Variants in PLEKHG1 observed in about 807,000 individuals in gnomAD.
The protein encoded by PLEKHG1 is pleckstrin homology and RhoGEF domain containing G1, also known as pleckstrin homology domain-containing family G member 1.
Under a neutral mutation model 100.8 loss-of-function variants are expected in PLEKHG1, and 44 were observed. That is an observed-to-expected ratio of 0.44 (90% CI 0.34 to 0.56). PLEKHG1 has a LOEUF of 0.56. PLEKHG1 is among the 20% of genes least tolerant of loss of function. The pLI is 0.01. For synonymous variants in PLEKHG1, 640 were observed against 662.5 expected (o/e 0.97, Z 0.52); for missense variants, 1,545 against 1,720.9 (o/e 0.90, Z 1.81).
intron 3 of PLEKHG1, among the ~76,000 whole-genome samples, chr6:150,781,024 C>T (rs900246373): frequency 1.5e-4 from 23 of 151,598 alleles, no homozygotes; most frequent in Admixed American, 2.6e-4. Context: ...CAAGCATGCG[C>T]CACCACGCCC....
At chr6:150,836,541 G>T (rs1241473540) in intron 15 of PLEKHG1, among the ~76,000 whole-genome samples, 1 of 152,122 alleles carries the variant, frequency 6.6e-6, no homozygotes, top group East Asian at 1.9e-4. Flanking sequence ...CAGAGGCCAG[G>T]CGAGGTGGCT....
chr6:150,817,993 G>A (rs1776079155), intron 10 of PLEKHG1, among the ~76,000 whole-genome samples, 190 bp from the exon 12 acceptor site: 1 of 152,166 alleles, frequency 6.6e-6, no homozygotes, highest in African/African-American at 2.4e-5. Flanking sequence ...TGGTGTAGCA[G>A]CTATTACCCA....
At chr6:150,796,698 C>G (rs1418312728) in intron 5 of PLEKHG1, among the ~76,000 whole-genome samples, 2 of 152,116 alleles carry the variant, frequency 1.3e-5, no homozygotes, top group South Asian at 4.1e-4. Flanking sequence ...GTGCCTGGCC[C>G]CTCCTAAGTT....
chr6:150,831,437 G>C lies in PLEKHG1; in HGVS notation c.2326G>C (p.Val776Leu), dbSNP rs202245274. ...CTTTTTGGGTCTGGAGGCCGACTTC[G>C]TGTGCTGTGACAGCCTGAGGCCATT... The change falls in exon 15 of 16, where the codon GTG (valine) becomes CTG (leucine). Residue 776 changes from valine to leucine, a missense_variant. Val to Leu is a conservative substitution (Grantham distance 32, BLOSUM62 1). Coordinates refer to ENST00000358517, the Ensembl canonical transcript of PLEKHG1. The surrounding 1 kb of genome is among the most constrained non-coding windows in gnomAD (Gnocchi z 4.1). 6.2e-7 allele frequency: 1 copy of C among 1,614,132 alleles called. No homozygotes were observed. Among genetic ancestry groups the C allele is most frequent in the Non-Finnish European group, 8.5e-7 (1 of 1,180,034 alleles).
At chr6:150,840,805 A>G (rs770661892) in exon 16 of PLEKHG1, 4 of 1,614,176 alleles carry the variant, frequency 2.5e-6, no homozygotes, top group African/African-American at 1.3e-5. Context: ...CTGAATGACT[A>G]TCTTTGGAGG....
intron 3 of PLEKHG1, among the ~76,000 whole-genome samples, chr6:150,672,734 G>A (rs1779621367): frequency 1.3e-5 from 2 of 152,148 alleles, no homozygotes. Flanking sequence ...CATTTTTCAA[G>A]TTTGAGTGAG....
At chr6:150,650,313 A>T (rs186986579) in intron 2 of PLEKHG1, among the ~76,000 whole-genome samples, 4 of 152,270 alleles carry the variant, frequency 2.6e-5, no homozygotes, top group Admixed American at 6.5e-5. Context: ...TCCCTGCTTC[A>T]TGGCCTCGCG....
chr6:150,799,433 A>G (rs1426535442), intron 5 of PLEKHG1, among the ~76,000 whole-genome samples: 1 of 152,150 alleles, frequency 6.6e-6, no homozygotes, highest in Non-Finnish European at 1.5e-5. Context: ...TTCCCCAGGG[A>G]GGGACGCAAA....
chr6:150,652,349 A>G (rs769483632), intron 3 of PLEKHG1, among the ~76,000 whole-genome samples: 2 of 152,210 alleles, frequency 1.3e-5, no homozygotes, highest in Non-Finnish European at 2.9e-5. Context: ...TTATACGTCA[A>G]ATGCTTATTA....
At chr6:150,732,087 G>C (rs1444725556) in intron 1 of PLEKHG1, among the ~76,000 whole-genome samples, 1 of 150,710 alleles carries the variant, frequency 6.6e-6, no homozygotes, top group African/African-American at 2.4e-5. Context: ...TCAGCCTCCC[G>C]AGTAGCTGGG....
intron 1 of PLEKHG1, among the ~76,000 whole-genome samples, chr6:150,634,682 A>G (rs1433800720): frequency 6.6e-6 from 1 of 152,264 alleles, no homozygotes; most frequent in African/African-American, 2.4e-5. Context: ...TTAATTTTCA[A>G]TTCCAGGCTT....
At chr6:150,654,179 T>C (rs971543828) in intron 3 of PLEKHG1, among the ~76,000 whole-genome samples, 1 of 152,246 alleles carries the variant, frequency 6.6e-6, no homozygotes, top group Admixed American at 6.5e-5. Context: ...TGCACATTCA[T>C]GTTCCAAGGC....
At chr6:150,833,969 T>C (rs1158654308) in intron 15 of PLEKHG1, among the ~76,000 whole-genome samples, 1 of 152,182 alleles carries the variant, frequency 6.6e-6, no homozygotes, top group Non-Finnish European at 1.5e-5. Flanking sequence ...TATCCAAATC[T>C]TAAATGAATG....
At chr6:150,737,888 C>A (rs1295488311) in intron 2 of PLEKHG1, among the ~76,000 whole-genome samples, 1 of 152,038 alleles carries the variant, frequency 6.6e-6, no homozygotes. Flanking sequence ...ACTGCAGCCT[C>A]GACCTCCTGG....
At chr6:150,838,412 A>T (rs1384864147) in intron 15 of PLEKHG1, among the ~76,000 whole-genome samples, 1 of 152,102 alleles carries the variant, frequency 6.6e-6, no homozygotes, top group African/African-American at 2.4e-5. Flanking sequence ...TTATTTTGAG[A>T]TTTTTAAAAA....
intron 4 of PLEKHG1, among the ~76,000 whole-genome samples, chr6:150,788,731 A>G (rs1785779355): frequency 6.6e-6 from 1 of 152,126 alleles, no homozygotes; most frequent in Admixed American, 6.5e-5. Context: ...ACCCAGGGCA[A>G]CGTTTAGGAG....
chr6:150,786,758 G>A (rs1785647611), intron 4 of PLEKHG1, among the ~76,000 whole-genome samples: 1 of 152,050 alleles, frequency 6.6e-6, no homozygotes, highest in African/African-American at 2.4e-5. Context: ...GGCCGGGCAT[G>A]GTGGCTCACA....
At position 150,839,822 on chromosome 6, in the gene PLEKHG1, T is replaced by G; in HGVS notation, c.3095-11T>G. 5 of 1,507,130 alleles carry G rather than the reference T, an allele frequency of 3.3e-6. No homozygotes were observed. The highest frequency in any genetic ancestry group is 4.6e-6 in the Non-Finnish European group (5 of 1,085,438). 93.4% of individuals were successfully genotyped at this position (1,507,130 alleles called of 1,614,324 possible). On this transcript the variant is annotated splice_polypyrimidine_tract_variant and intron_variant, in intron 15 of 15. Transcript: ENST00000358517. The stretch of plus-strand genomic sequence containing the variant: ...CTGTGTGTATTTACTGTTTCAATAT[T>G]TGCCTTCCAGGTGCCAGGATTGCTG...
At chr6:150,677,283 T>TACGCGCACACACAC (rs756621195) in intron 3 of PLEKHG1, among the ~76,000 whole-genome samples, 66 of 134,264 alleles carry the variant, frequency 4.9e-4, no homozygotes, top group African/African-American at 1.6e-3. Context: ...TTTCTTCCCC[T>TACGCGCACACACAC]ATACACACAC....
Sources: allele counts gnomAD v4.1 joint callset (sites outside exome capture counted in the v4.1 genomes callset), GRCh38; gene constraint gnomAD v4.1.1; non-coding constraint Gnocchi (gnomAD v3.1); transcripts MANE v1.5; gene names NCBI Gene and HGNC (gene_info 2026-07-23, HGNC 2026-07-21).